Variants in DTWD2 observed in about 807,000 individuals in gnomAD.
DTWD2 encodes tRNA-uridine aminocarboxypropyltransferase 2.
In DTWD2, 39 loss-of-function variants were observed where a neutral mutation model predicts 31.8. The observed-to-expected ratio is 1.22, with a 90% confidence interval of 0.95 to 1.60. The LOEUF (loss-of-function observed/expected upper bound fraction) is 1.60, where lower values mean the gene tolerates loss of function less well. Among genes scored for constraint, DTWD2 ranks in the 40% most tolerant of loss-of-function variants. The pLI, the probability that DTWD2 is intolerant of heterozygous loss-of-function variation, is 0.00. For synonymous variants in DTWD2, 180 were observed against 142.8 expected (o/e 1.26, Z -1.86); for missense variants, 515 against 381.5 (o/e 1.35, Z -2.92).
intron 4 of DTWD2, among the ~76,000 whole-genome samples, chr5:118,874,306 T>C (rs1268139690): frequency 6.6e-6 from 1 of 152,206 alleles, no homozygotes; most frequent in East Asian, 1.9e-4. Flanking sequence ...TGTTCTTTCC[T>C]CCAAATGACC....
At chr5:118,852,653 G>A (rs927737356) in intron 4 of DTWD2, among the ~76,000 whole-genome samples, 11 of 152,094 alleles carry the variant, frequency 7.2e-5, no homozygotes, top group South Asian at 2.1e-4. Flanking sequence ...TGTCGAAAGC[G>A]GTGTGGTGAT....
intron 4 of DTWD2, among the ~76,000 whole-genome samples, chr5:118,874,863 C>T (rs1752586965): frequency 6.6e-6 from 1 of 151,894 alleles, no homozygotes; most frequent in South Asian, 2.1e-4. Flanking sequence ...ATGCAGAGAG[C>T]CCCAGTAAGA....
At chr5:118,978,115 CT>C (rs34139721) in intron 1 of DTWD2, among the ~76,000 whole-genome samples, 102,058 of 148,048 alleles carry the variant, frequency 0.69, 35,164 homozygotes, top group East Asian at 0.99. Flanking sequence ...GGATTCCCTG[CT>C]TTTTTTTTTT....
intron 5 of DTWD2, among the ~76,000 whole-genome samples, chr5:118,842,546 G>A (rs1003837944): frequency 2.0e-5 from 3 of 152,080 alleles, no homozygotes; most frequent in Admixed American, 1.3e-4. Flanking sequence ...TCCCAGTCAG[G>A]ACTGCCCACC....
chr5:118,843,426 G>A (rs1751773457), intron 5 of DTWD2, among the ~76,000 whole-genome samples: 1 of 147,774 alleles, frequency 6.8e-6, no homozygotes, highest in Non-Finnish European at 1.5e-5. Flanking sequence ...GAAAGGCTCT[G>A]CACAATATTA....
At chr5:118,980,453 T>C (rs1398496899) in intron 1 of DTWD2, among the ~76,000 whole-genome samples, 1 of 152,222 alleles carries the variant, frequency 6.6e-6, no homozygotes, top group African/African-American at 2.4e-5. Context: ...CCAGTGTCCA[T>C]GAAACTGTGA....
chr5:118,961,907 A>C (rs929913664), intron 1 of DTWD2, among the ~76,000 whole-genome samples: 4 of 152,250 alleles, frequency 2.6e-5, no homozygotes, highest in Non-Finnish European at 5.9e-5. Flanking sequence ...ATAAGAGCAT[A>C]TAATAGTGCT....
chr5:118,979,489 A>G (rs1282445960), intron 1 of DTWD2, among the ~76,000 whole-genome samples: 2 of 152,200 alleles, frequency 1.3e-5, no homozygotes, highest in Non-Finnish European at 2.9e-5. Flanking sequence ...CATGTGACCT[A>G]GTAGTCCCAT....
At chr5:118,943,170 G>A (rs1052529336) in intron 2 of DTWD2, among the ~76,000 whole-genome samples, 3 of 152,158 alleles carry the variant, frequency 2.0e-5, no homozygotes, top group African/African-American at 7.2e-5. Flanking sequence ...AATTTGAGCT[G>A]TACAATGTTT....
chr5:118,887,322 G>A (rs1017430918), intron 4 of DTWD2, among the ~76,000 whole-genome samples: 19 of 152,132 alleles, frequency 1.2e-4, no homozygotes, highest in Non-Finnish European at 2.5e-4. Context: ...GAGATTCCCA[G>A]CTCAACTGAC....
intron 4 of DTWD2, among the ~76,000 whole-genome samples, chr5:118,863,886 G>A (rs564974338): frequency 1.3e-5 from 2 of 152,010 alleles, no homozygotes; most frequent in East Asian, 3.9e-4. Flanking sequence ...CAAAGCCACT[G>A]GCTAATAAAA....
chr5:118,896,821 G>A (rs1369755310), intron 4 of DTWD2, among the ~76,000 whole-genome samples: 2 of 152,130 alleles, frequency 1.3e-5, no homozygotes, highest in Non-Finnish European at 2.9e-5. Context: ...CCACATGTAG[G>A]CATTCCAGTC....
chr5:118,877,662 AAC>A (rs1436680350), intron 4 of DTWD2, among the ~76,000 whole-genome samples: 5 of 152,130 alleles, frequency 3.3e-5, no homozygotes, highest in Non-Finnish European at 7.4e-5. Context: ...ACTCCTATTC[AAC>A]ACAGTATTTG....
intron 4 of DTWD2, among the ~76,000 whole-genome samples, chr5:118,864,636 A>T (rs760950645): frequency 6.2e-5 from 9 of 144,974 alleles, no homozygotes; most frequent in Non-Finnish European, 1.2e-4. Context: ...TTTTTATTTT[A>T]TTTTATTTTT....
chr5:118,964,718 A>G (rs1477047034), intron 1 of DTWD2, among the ~76,000 whole-genome samples: 1 of 152,244 alleles, frequency 6.6e-6, no homozygotes, highest in Non-Finnish European at 1.5e-5. Context: ...CCAGGACTGC[A>G]GATGGAGTCT....
chr5:118,935,928 A>G (rs1032254829), intron 3 of DTWD2, among the ~76,000 whole-genome samples: 9 of 152,198 alleles, frequency 5.9e-5, no homozygotes, highest in African/African-American at 2.2e-4. Context: ...ACATCTGACA[A>G]CTGAGGAATA....
At chr5:118,869,386 G>A (rs1432565373) in intron 4 of DTWD2, among the ~76,000 whole-genome samples, 1 of 152,040 alleles carries the variant, frequency 6.6e-6, no homozygotes, top group Non-Finnish European at 1.5e-5. Context: ...AAAATTCCAC[G>A]CTCAGAAGAA....
chr5:118,988,530 G>C lies in DTWD2; in HGVS notation c.-19C>G. The C allele has an allele frequency of 6.7e-7, 1 of 1,503,656 alleles. No homozygotes were observed. The highest frequency in any genetic ancestry group is 8.9e-7 in the Non-Finnish European group (1 of 1,129,254). 93.1% of individuals were successfully genotyped at this position (1,503,656 alleles called of 1,614,324 possible). ...ACTCCATGGCGGACACTCCGGTCAG[G>C]CCGTGGCATTGAAGCCCGGCTGCCG... On this transcript the variant is annotated 5_prime_UTR_variant, in exon 1 of 6. Coordinates refer to ENST00000510708, the MANE Select transcript of DTWD2 (RefSeq NM_173666.4).
In DTWD2 at chr5:118,876,282, C is replaced by G. The variant is rs1241036340; in HGVS notation, c.598-28064G>C. Among the ~76,000 whole-genome samples, 4 of 152,002 alleles carry G rather than the reference C, an allele frequency of 2.6e-5. No homozygotes were observed. In the East Asian group the frequency reaches 7.7e-4, roughly 29 times the overall value. The stretch of plus-strand genomic sequence containing the variant: ...AGATCTCAAATTAACAACCTAACAT[C>G]TCAACTAAAAGAACTAGAGGACCAA... On this transcript the variant is annotated intron_variant, in intron 4 of 5. Coordinates refer to ENST00000510708, the MANE Select transcript of DTWD2 (RefSeq NM_173666.4).
Sources: allele counts gnomAD v4.1 joint callset (sites outside exome capture counted in the v4.1 genomes callset), GRCh38; gene constraint gnomAD v4.1.1; transcripts MANE v1.5; gene names NCBI Gene and HGNC (gene_info 2026-07-23, HGNC 2026-07-21).